CATSPERT: variants seen among roughly 807,000 people sequenced by gnomAD.
CATSPERT encodes the protein cation channel sperm-associated targeting subunit tau.
the CATSPERT span, among the ~76,000 whole-genome samples, chr2:201,573,504 A>G: frequency 6.6e-6 from 1 of 152,278 alleles, no homozygotes; most frequent in Non-Finnish European, 1.5e-5. Flanking sequence ...TTCAGCCTCC[A>G]GAGTAGCTAG....
the CATSPERT span, chr2:201,494,313 CTT>C: frequency 6.5e-7 from 1 of 1,537,074 alleles, no homozygotes; most frequent in Non-Finnish European, 8.7e-7. Flanking sequence ...TTAAAATTGA[CTT>C]GAGTATCATT....
chr2:201,574,533 C>G, the CATSPERT span, among the ~76,000 whole-genome samples: 2 of 152,098 alleles, frequency 1.3e-5, no homozygotes, highest in Admixed American at 6.5e-5. Context: ...CTAATTGTTA[C>G]TGGGATTACA....
the CATSPERT span, among the ~76,000 whole-genome samples, chr2:201,544,998 GATA>G: frequency 6.7e-6 from 1 of 149,286 alleles, no homozygotes; most frequent in Non-Finnish European, 1.5e-5. Flanking sequence ...CCCTGTCTCA[GATA>G]ATAATAATAA....
the CATSPERT span, among the ~76,000 whole-genome samples, chr2:201,575,502 T>C: frequency 6.6e-6 from 1 of 152,138 alleles, no homozygotes; most frequent in African/African-American, 2.4e-5. Flanking sequence ...GCTTCATCTG[T>C]ATTTACAGCC....
the CATSPERT span, among the ~76,000 whole-genome samples, chr2:201,584,214 C>T: frequency 2.8e-4 from 42 of 152,166 alleles, no homozygotes; most frequent in East Asian, 7.9e-3. Flanking sequence ...CACTTGAGCT[C>T]AGAAGGTTGA....
At chr2:201,522,312 G>T in the CATSPERT span, among the ~76,000 whole-genome samples, 92,113 of 151,946 alleles carry the variant, frequency 0.61, 29,915 homozygotes, top group East Asian at 0.95. Context: ...CAGTAAAAAT[G>T]AAGGATACAA....
chr2:201,592,104 A>G, the CATSPERT span, among the ~76,000 whole-genome samples: 3 of 151,752 alleles, frequency 2.0e-5, no homozygotes, highest in Admixed American at 6.6e-5. Context: ...CCCATTCAGT[A>G]TGATATTGGC....
the CATSPERT span, among the ~76,000 whole-genome samples, chr2:201,566,136 T>G: frequency 6.6e-6 from 1 of 152,058 alleles, no homozygotes; most frequent in African/African-American, 2.4e-5. Flanking sequence ...TAATGAGAAG[T>G]ACAAAGTATT....
the CATSPERT span, chr2:201,601,845 G>GA: frequency 1.2e-6 from 2 of 1,606,792 alleles, no homozygotes; most frequent in Non-Finnish European, 1.7e-6. Context: ...TTTGTTTATA[G>GA]AGATGCGAAT....
the CATSPERT span, among the ~76,000 whole-genome samples, chr2:201,562,416 T>A: frequency 6.6e-6 from 1 of 151,396 alleles, no homozygotes; most frequent in Non-Finnish European, 1.5e-5. Context: ...CTCAATCTCC[T>A]GACCTCGTGA....
chr2:201,577,347 T>C, the CATSPERT span, among the ~76,000 whole-genome samples: 727 of 152,226 alleles, frequency 4.8e-3, 5 homozygotes, highest in African/African-American at 0.017. Context: ...CTATGGGTGT[T>C]CCTCAAAAAA....
chr2:201,534,033 CTG>C, the CATSPERT span, among the ~76,000 whole-genome samples: 1 of 140,070 alleles, frequency 7.1e-6, no homozygotes, highest in Middle Eastern at 3.6e-3. Flanking sequence ...AAAGAGAGAT[CTG>C]TATATTATCT....
At chr2:201,503,707 GT>G in the CATSPERT span, among the ~76,000 whole-genome samples, 1 of 152,152 alleles carries the variant, frequency 6.6e-6, no homozygotes, top group Admixed American at 6.5e-5. Context: ...CGAACACCTG[GT>G]AACATTGTAT....
At chr2:201,540,581 G>A in the CATSPERT span, among the ~76,000 whole-genome samples, 2 of 152,170 alleles carry the variant, frequency 1.3e-5, no homozygotes, top group African/African-American at 4.8e-5. Context: ...TTTGCAGCAT[G>A]GTTTACTGAA....
chr2:201,494,665 T>C, the CATSPERT span: 10 of 1,536,386 alleles, frequency 6.5e-6, no homozygotes, highest in East Asian at 1.7e-4. Context: ...GATATTTCTA[T>C]ATTTGTATAT....
the CATSPERT span, chr2:201,491,434 C>T: frequency 1.4e-5 from 21 of 1,537,140 alleles, no homozygotes; most frequent in Admixed American, 2.0e-5. Flanking sequence ...GAACTTGGCA[C>T]ATTTTTCACT....
the CATSPERT span, among the ~76,000 whole-genome samples, chr2:201,521,813 G>A: frequency 6.6e-6 from 1 of 152,062 alleles, no homozygotes; most frequent in African/African-American, 2.4e-5. Context: ...ATTTATCCCA[G>A]GAACTCAAGG....
chr2:201,491,176 G>A, the CATSPERT span: 43 of 1,527,614 alleles, frequency 2.8e-5, no homozygotes, highest in Non-Finnish European at 3.6e-5. Flanking sequence ...TACATGTATA[G>A]TTCTTCTTGC....
At chr2:201,530,968 T>TTTTTTTG in the CATSPERT span, among the ~76,000 whole-genome samples, 1 of 136,616 alleles carries the variant, frequency 7.3e-6, no homozygotes, top group East Asian at 2.3e-4. Context: ...TGGGTTTTTT[T>TTTTTTTG]TTTTTTTTTT....
Sources: gnomAD v4.1 joint callset for allele counts (sites outside exome capture counted in the v4.1 genomes callset) on GRCh38, gnomAD v4.1.1 for gene constraint, MANE v1.5 for transcripts, NCBI Gene and HGNC (gene_info 2026-07-23, HGNC 2026-07-21) for gene names.